The following GDF5 variants were observed in gnomAD, a reference collection of about 807,000 sequenced individuals.
GDF5 encodes growth/differentiation factor 5.
In GDF5, 17 loss-of-function variants were observed where a neutral mutation model predicts 34.6. The observed-to-expected ratio is 0.49, with a 90% CI of 0.34 to 0.74. GDF5 has a LOEUF of 0.74. Among genes scored for constraint, GDF5 ranks in the 30% least tolerant of loss-of-function variants. The pLI is 0.01. For synonymous variants in GDF5, 332 were observed against 290.7 expected (o/e 1.14, Z -1.44); for missense variants, 616 against 661.2 (o/e 0.93, Z 0.75).
Position 35,433,942 on chromosome 20 carries a change from C to T in GDF5, c.1473G>A (p.Glu491=), listed in dbSNP as rs146951838. 513 of 1,613,970 alleles carry T rather than the reference C, an allele frequency of 3.2e-4. No individual in the cohort carries two copies. Among genetic ancestry groups the T allele is most frequent in the Non-Finnish European group, 4.1e-4 (480 of 1,179,966 alleles). ...SANNVVYKQY[E]DMVVESCGCR is the part of the protein sequence containing the mutation. The stretch of plus-strand genomic sequence containing the variant: ...AGCCACACGACTCCACGACCATGTC[C>T]TCATACTGCTTATACACCACGTTGT... Residue 491 remains glutamate, a synonymous_variant, in exon 2 of 2, where the codon GAG becomes GAA. Coordinates refer to ENST00000374369, the MANE Select transcript of GDF5 (RefSeq NM_000557.5).
chr20:35,441,338 G>A (rs1054049081), upstream of GDF5: 1 of 152,002 alleles, frequency 6.6e-6, no homozygotes, highest in African/African-American at 2.4e-5. Flanking sequence ...TGGATCACGA[G>A]GTCAGGAGAT....
upstream of GDF5, among the ~76,000 whole-genome samples, chr20:35,441,950 C>G (rs2062499175): frequency 6.6e-6 from 1 of 151,958 alleles, no homozygotes; most frequent in South Asian, 2.1e-4. Flanking sequence ...AGGTGATCCT[C>G]CCACCTCAGC....
chr20:35,435,503 C>A (rs990320020), intron 1 of GDF5: 5 of 123,324 alleles, frequency 4.1e-5, no homozygotes, highest in Non-Finnish European at 8.2e-5. Context: ...AAAAAATACA[C>A]GCTTTTCCAG....
intron 1 of GDF5, among the ~76,000 whole-genome samples, chr20:35,447,359 C>A (rs1022629124): frequency 4.6e-5 from 7 of 152,186 alleles, no homozygotes; most frequent in African/African-American, 1.7e-4. Context: ...GGCCACTGCT[C>A]AGGACGCGCT....
In GDF5 at chr20:35,434,214, T is replaced by G; in HGVS notation, c.1201A>C (p.Ser401Arg). The G allele has an allele frequency of 6.2e-7, 1 of 1,614,242 alleles. No homozygotes were observed. Among genetic ancestry groups the G allele is most frequent in the Non-Finnish European group, 8.5e-7 (1 of 1,180,038 alleles). The change falls in exon 2 of 2, where the codon AGT becomes CGT. Residue 401 changes from serine (S) to arginine (R), a missense_variant. Physicochemically the swap from Ser to Arg is moderately radical, Grantham distance 110. Transcript: ENST00000374369. ...RPSKNLKARCSRKALHVNFKD... is the reference protein window; with the variant it reads ...RPSKNLKARCRRKALHVNFKD... The stretch of plus-strand genomic sequence containing the variant: ...AAGTTGACATGCAGTGCCTTCCGAC[T>G]GCAGCGAGCCTTAAGGTTCTTGCTG...
upstream of GDF5, among the ~76,000 whole-genome samples, chr20:35,442,256 C>T (rs2062500271): frequency 6.6e-6 from 1 of 152,054 alleles, no homozygotes; most frequent in Non-Finnish European, 1.5e-5. Flanking sequence ...AAGGGGTTTT[C>T]CTGCTTCAGC....
intron 1 of GDF5, among the ~76,000 whole-genome samples, chr20:35,447,659 T>C (rs2062518205): frequency 6.6e-6 from 1 of 152,178 alleles, no homozygotes; most frequent in Non-Finnish European, 1.5e-5. Context: ...AGAAAAGTAA[T>C]ATGAATTCAT....
At position 35,434,091 on chromosome 20, in the gene GDF5, C is replaced by T; in HGVS notation, c.1324G>A (p.Glu442Lys). ...LCEFPLRSHL[E>K]PTNHAVIQTL... ...TGGATGACTGCATGATTCGTGGGCT[C>T]CAGGTGGGAGCGCAATGGGAACTCG... The change falls in exon 2 of 2, where the codon GAG becomes AAG. Residue 442 changes from glutamate (E) to lysine (K), a missense_variant. Coordinates refer to ENST00000374369, the MANE Select transcript of GDF5 (RefSeq NM_000557.5). The T allele has an allele frequency of 1.2e-6, 2 of 1,614,136 alleles. No individual in the cohort carries two copies. The highest frequency in any genetic ancestry group is 1.1e-5 in the South Asian group (1 of 91,084).
Position 35,437,286 on chromosome 20 carries a change from C to A in GDF5, c.631+12G>T, listed in dbSNP as rs1175399583. On this transcript the variant is annotated intron_variant, in intron 1 of 1. Transcript: ENST00000374369. ...CCCTCTGAGCCGTGCCCCTGCCACC[C>A]CGCCCCCTCACCTTGCCCTTTGTCA... 11 of 1,594,990 alleles carry A rather than the reference C, an allele frequency of 6.9e-6. No individual in the cohort carries two copies. The highest frequency in any genetic ancestry group is 8.6e-6 in the Non-Finnish European group (10 of 1,165,490).
At chr20:35,444,209 T>C (rs79408801) in intron 1 of GDF5, among the ~76,000 whole-genome samples, 2,053 of 152,300 alleles carry the variant, frequency 0.013, 55 homozygotes, top group African/African-American at 0.047. Context: ...CGTTTGTTTG[T>C]CTCTTCTCAC....
intron 1 of GDF5, among the ~76,000 whole-genome samples, chr20:35,446,438 C>CTTTTT (rs11477146): frequency 7.4e-6 from 1 of 136,022 alleles, no homozygotes; most frequent in Non-Finnish European, 1.6e-5. Flanking sequence ...TTATTTATTG[C>CTTTTT]TTTTTTTTTT....
At position 35,433,862 on chromosome 20, in the gene GDF5, A is replaced by G. The variant is rs775590472; in HGVS notation, c.*47T>C. ...CCTCTGTGATTCCAGGAGTGCAGGA[A>G]GGGGCTCTTGGGATGTGCCACCCAG... On this transcript the variant is annotated 3_prime_UTR_variant, in exon 2 of 2. Transcript: ENST00000374369. 2 of 1,523,154 alleles carry G rather than the reference A, an allele frequency of 1.3e-6. No individual in the cohort carries two copies. Among genetic ancestry groups the G allele is most frequent in the Non-Finnish European group, 1.8e-6 (2 of 1,097,434 alleles). The allele number at this position is 1,523,154 out of a possible 1,614,324, so 94.4% of individuals were successfully genotyped here. A position where few individuals can be genotyped will look rare whatever the true frequency, so the allele number is the denominator to read the frequency against.
intron 1 of GDF5, among the ~76,000 whole-genome samples, chr20:35,454,452 C>CAAAAA (rs5841211): frequency 9.7e-6 from 1 of 103,276 alleles, no homozygotes; most frequent in African/African-American, 3.6e-5. Context: ...GACTCCATTT[C>CAAAAA]AAAAAAAAAA....
chr20:35,444,069 T>C (rs1325853041), intron 1 of GDF5, among the ~76,000 whole-genome samples: 1 of 152,176 alleles, frequency 6.6e-6, no homozygotes, highest in African/African-American at 2.4e-5. Context: ...TGGGTATTCA[T>C]TTCTTTATCT....
In GDF5 at chr20:35,434,577, C is replaced by A. The variant is rs1377807329; in HGVS notation, c.838G>T (p.Val280Leu). 2 of 1,587,956 alleles carry A rather than the reference C, an allele frequency of 1.3e-6. No individual in the cohort carries two copies. Among genetic ancestry groups the A allele is most frequent in the East Asian group, 2.3e-5 (1 of 44,438 alleles). The change falls in exon 2 of 2, where the codon GTG (valine) becomes TTG (leucine). Residue 280 changes from valine (V) to leucine (L), a missense_variant. Physicochemically the swap from Val to Leu is conservative, Grantham distance 32. Coordinates refer to ENST00000374369, the MANE Select transcript of GDF5 (RefSeq NM_000557.5). ...SGRQPAALLD[V>L]RSVPGLDGSG... ...CCGTCCAGGCCTGGCACGGAGCGCA[C>A]ATCCAGCAAGGCGGCCGGCTGCCGG... is the stretch of plus-strand genomic sequence containing the variant.
At position 35,452,749 on chromosome 20, in the gene GDF5, T is replaced by A. The variant is rs113643553; in HGVS notation, c.-398+1891A>T. The stretch of plus-strand genomic sequence containing the variant: ...CTCCTCATAGTCTTAAAAAATATTG[T>A]CTAGTTTGCTAATGGATGTTATGTC... On this transcript the variant is annotated intron_variant, in intron 1 of 3. Transcript: ENST00000374372. Among the ~76,000 whole-genome samples the A allele has an allele frequency of 4.9e-3, 738 of 149,390 alleles. 5 individuals are homozygous for A. Among genetic ancestry groups the A allele is most frequent in the Middle Eastern group, 0.01 (3 of 294 alleles).
At chr20:35,452,752 A>G (rs2062538306) in intron 1 of GDF5, among the ~76,000 whole-genome samples, 1 of 152,004 alleles carries the variant, frequency 6.6e-6, no homozygotes, top group Non-Finnish European at 1.5e-5. Flanking sequence ...AATATTGTCT[A>G]GTTTGCTAAT....
chr20:35,442,843 G>C (rs2062502445), upstream of GDF5, among the ~76,000 whole-genome samples: 1 of 152,038 alleles, frequency 6.6e-6, no homozygotes, highest in Non-Finnish European at 1.5e-5. Context: ...ACCATGCCTG[G>C]CCCAATACTC....
chr20:35,437,407 G>C lies in GDF5; in HGVS notation c.522C>G (p.Leu174=). Residue 174 remains leucine, a synonymous_variant, in exon 1 of 2, where the codon CTC becomes CTG. Transcript: ENST00000374369. ...CATCGGACAGCGTCCTGTACAGCGA[G>C]AGCATGTACTCGTGGGGTGTGATGG... The part of the protein sequence containing the change: ...PPPITPHEYM[L]SLYRTLSDAD... The C allele has an allele frequency of 6.2e-7, 1 of 1,613,312 alleles. No homozygotes were observed. Among genetic ancestry groups the C allele is most frequent in the Non-Finnish European group, 8.5e-7 (1 of 1,179,246 alleles).
Sources: gnomAD v4.1 joint callset for allele counts (sites outside exome capture counted in the v4.1 genomes callset) on GRCh38, gnomAD v4.1.1 for gene constraint, MANE v1.5 for transcripts, NCBI Gene and HGNC (gene_info 2026-07-23, HGNC 2026-07-21) for gene names.